Variants in DLC1 observed in about 807,000 individuals in gnomAD.
DLC1 encodes DLC1 Rho GTPase activating protein, also known as rho GTPase-activating protein 7.
DLC1 carries 54 observed loss-of-function variants against 140.3 expected under a neutral mutation model. The ratio of observed to expected loss-of-function variants is 0.38; its 90% CI spans 0.31 to 0.48. The LOEUF (loss-of-function observed/expected upper bound fraction) is 0.48. Ranked by LOEUF, DLC1 falls within the 20% of genes least tolerant of loss-of-function variation. The pLI is 0.96. For synonymous variants in DLC1, 986 were observed against 728.1 expected (o/e 1.35, Z -5.70); for missense variants, 2,536 against 1,907.0 (o/e 1.33, Z -6.14).
chr8:13,144,675 G>T (rs936980124), intron 5 of DLC1, among the ~76,000 whole-genome samples: 20 of 152,210 alleles, frequency 1.3e-4, no homozygotes, highest in South Asian at 1.2e-3. Flanking sequence ...TGAGGCAGGA[G>T]AATGGTGTGA....
chr8:13,462,023 C>G (rs960092030), intron 2 of DLC1, among the ~76,000 whole-genome samples: 1 of 152,134 alleles, frequency 6.6e-6, no homozygotes, highest in Non-Finnish European at 1.5e-5. Flanking sequence ...TCTTGTTCCT[C>G]TCTGTTCCAT....
At chr8:13,139,292 A>T (rs1370870041) in intron 5 of DLC1, among the ~76,000 whole-genome samples, 3 of 104,330 alleles carry the variant, frequency 2.9e-5, no homozygotes, top group African/African-American at 1.2e-4. Context: ...CTGTCTCAAA[A>T]AAAAAAAAAA....
At chr8:13,277,190 T>C (rs573441002) in intron 5 of DLC1, among the ~76,000 whole-genome samples, 29 of 152,142 alleles carry the variant, frequency 1.9e-4, no homozygotes, top group Non-Finnish European at 2.9e-4. Context: ...CATGCACCTG[T>C]GGTCCCAGCT....
intron 1 of DLC1, among the ~76,000 whole-genome samples, chr8:13,550,274 C>G (rs771043698): frequency 2.0e-5 from 3 of 152,078 alleles, no homozygotes; most frequent in Non-Finnish European, 4.4e-5. Context: ...TCTGCTCACA[C>G]TGTGCTTCTC....
At chr8:13,134,923 A>C (rs1357595349) in intron 5 of DLC1, among the ~76,000 whole-genome samples, 2 of 152,204 alleles carry the variant, frequency 1.3e-5, no homozygotes, top group Non-Finnish European at 2.9e-5. Context: ...ACCTACTGGT[A>C]ACTGCTGAGG....
chr8:13,514,700 C>A lies in DLC1; in HGVS notation c.-224G>T, dbSNP rs1190529421. 4 of 398,370 alleles carry A rather than the reference C, an allele frequency of 1.0e-5. No homozygotes were observed. Among genetic ancestry groups the A allele is most frequent in the African/African-American group, 6.2e-5 (3 of 48,624 alleles). 24.7% of individuals were successfully genotyped at this position (398,370 alleles called of 1,614,324 possible). Reference sequence around the variant, plus strand: ...GTTAGTTTCTCCAAAATCTAAGTTCCCATTTCGTGGTTGAGATCATGGCTC... The same window carrying A: ...GTTAGTTTCTCCAAAATCTAAGTTCACATTTCGTGGTTGAGATCATGGCTC... On this transcript the variant is annotated 5_prime_UTR_variant, in exon 1 of 18. It introduces an in-frame stop codon into an upstream open reading frame of the 5' UTR. Coordinates refer to ENST00000276297, the MANE Select transcript of DLC1 (RefSeq NM_182643.3).
chr8:13,280,287 C>CACAA (rs1563220800), intron 5 of DLC1, among the ~76,000 whole-genome samples: 2 of 65,352 alleles, frequency 3.1e-5, no homozygotes, highest in Non-Finnish European at 5.5e-5. Context: ...GACTCCATCT[C>CACAA]AAAAAAAAAA....
intron 5 of DLC1, among the ~76,000 whole-genome samples, chr8:13,200,798 A>G (rs1032227018): frequency 1.6e-4 from 25 of 151,784 alleles, no homozygotes; most frequent in African/African-American, 6.0e-4. Flanking sequence ...GGGACTCACT[A>G]TGCTGCCCAG....
intron 1 of DLC1, among the ~76,000 whole-genome samples, chr8:13,519,938 A>G (rs2117281552): frequency 6.6e-6 from 1 of 152,358 alleles, no homozygotes; most frequent in Non-Finnish European, 1.5e-5. Context: ...ATTTCATGCC[A>G]GTTAGAATGG....
chr8:13,124,130 C>T (rs537299391), intron 5 of DLC1, among the ~76,000 whole-genome samples: 6 of 152,254 alleles, frequency 3.9e-5, no homozygotes, highest in African/African-American at 1.4e-4. Flanking sequence ...GCACTATTCT[C>T]ATGCATAGTT....
chr8:13,487,503 C>T (rs1397247461), intron 2 of DLC1, among the ~76,000 whole-genome samples: 4 of 152,070 alleles, frequency 2.6e-5, no homozygotes, highest in Admixed American at 6.5e-5. Flanking sequence ...CAAGAGAAGA[C>T]GAACAGCATA....
chr8:13,369,060 G>A (rs528605576), intron 4 of DLC1, among the ~76,000 whole-genome samples: 1 of 152,276 alleles, frequency 6.6e-6, no homozygotes, highest in East Asian at 1.9e-4. Flanking sequence ...GACCTCAAAT[G>A]ATCTGATTGC....
At chr8:13,504,465 A>G (rs1052497654) in intron 1 of DLC1, among the ~76,000 whole-genome samples, 2 of 152,162 alleles carry the variant, frequency 1.3e-5, no homozygotes, top group African/African-American at 4.8e-5. Context: ...AAAGAAAACA[A>G]TTTTAGCATG....
chr8:13,488,502 G>T (rs1801075746), intron 2 of DLC1, among the ~76,000 whole-genome samples: 1 of 152,160 alleles, frequency 6.6e-6, no homozygotes, highest in Non-Finnish European at 1.5e-5. Flanking sequence ...TTTGAAGACA[G>T]AAACAGAAAA....
At chr8:13,416,260 T>C (rs1411159612) in intron 2 of DLC1, among the ~76,000 whole-genome samples, 1 of 152,214 alleles carries the variant, frequency 6.6e-6, no homozygotes, top group Non-Finnish European at 1.5e-5. Context: ...AATATCACTC[T>C]ATAGCAATTT....
chr8:13,134,895 G>A (rs1822435163), intron 5 of DLC1, among the ~76,000 whole-genome samples: 1 of 152,200 alleles, frequency 6.6e-6, no homozygotes, highest in Non-Finnish European at 1.5e-5. Context: ...CCGTTCAACA[G>A]ATGTTTCCAG....
intron 1 of DLC1, among the ~76,000 whole-genome samples, chr8:13,563,387 A>T (rs536889416): frequency 1.6e-4 from 24 of 152,330 alleles, no homozygotes; most frequent in Non-Finnish European, 3.4e-4. Flanking sequence ...CAAAGTATTT[A>T]TGGACAAAAG....
chr8:13,415,180 C>T (rs527541994), intron 2 of DLC1, among the ~76,000 whole-genome samples: 2 of 152,072 alleles, frequency 1.3e-5, no homozygotes, highest in South Asian at 4.1e-4. Context: ...TAATTTAAAA[C>T]ACTTTAGTGA....
chr8:13,500,480 C>T (rs1801764932), intron 1 of DLC1, among the ~76,000 whole-genome samples: 1 of 152,274 alleles, frequency 6.6e-6, no homozygotes, highest in East Asian at 1.9e-4. Flanking sequence ...ACATTTAAAA[C>T]TCCATTAAGA....
Sources: gnomAD v4.1 joint callset for allele counts (sites outside exome capture counted in the v4.1 genomes callset) on GRCh38, gnomAD v4.1.1 for gene constraint, MANE v1.5 for transcripts, NCBI Gene and HGNC (gene_info 2026-07-23, HGNC 2026-07-21) for gene names.